The following MACF1 variants were observed in gnomAD, a reference collection of about 807,000 sequenced individuals.
MACF1 encodes microtubule actin crosslinking factor 1.
A neutral mutation model predicts 854.8 loss-of-function variants in MACF1; 193 were observed. The observed-to-expected ratio is 0.23, with a 90% CI of 0.20 to 0.25. The LOEUF (loss-of-function observed/expected upper bound fraction) is 0.25. Ranked by LOEUF, MACF1 falls within the 10% of genes least tolerant of loss-of-function variation. The pLI is 1.00. For missense variants in MACF1, 7,722 were observed against 8,929.1 expected, an observed-to-expected ratio of 0.86 and a Z score of 5.45; for synonymous variants, 3,185 against 3,226.7, an observed-to-expected ratio of 0.99 and a Z score of 0.44.
chr1:39,090,372 C>T (rs1641773239), intron 2 of MACF1, among the ~76,000 whole-genome samples: 1 of 152,196 alleles, frequency 6.6e-6, no homozygotes, highest in Non-Finnish European at 1.5e-5. Context: ...TGAATTGTAG[C>T]TACACACCAC....
At chr1:39,405,691 C>G (rs747474774) in intron 58 of MACF1, among the ~76,000 whole-genome samples, 23 of 152,206 alleles carry the variant, frequency 1.5e-4, no homozygotes, top group Non-Finnish European at 2.9e-4. Flanking sequence ...AAATTCTGTA[C>G]TTGGGAATTT....
chr1:39,319,067 T>C (rs1291359236), intron 30 of MACF1, among the ~76,000 whole-genome samples: 1 of 151,906 alleles, frequency 6.6e-6, no homozygotes, highest in Admixed American at 6.6e-5. Context: ...AGATCTGGAG[T>C]TGTATTGCCT....
At chr1:39,449,633 C>T (rs1335746634) in intron 84 of MACF1, among the ~76,000 whole-genome samples, 5 of 151,480 alleles carry the variant, frequency 3.3e-5, no homozygotes, top group South Asian at 2.1e-4. Flanking sequence ...TTTCTGACCT[C>T]GTGATCCACC....
At chr1:39,127,470 G>A (rs1364907707) in intron 2 of MACF1, among the ~76,000 whole-genome samples, 2 of 152,178 alleles carry the variant, frequency 1.3e-5, no homozygotes, top group Non-Finnish European at 2.9e-5. Flanking sequence ...CTGTGAAATA[G>A]ATTATCTCAT....
At chr1:39,221,435 C>CT (rs1163514863) in intron 1 of MACF1, among the ~76,000 whole-genome samples, 1 of 152,202 alleles carries the variant, frequency 6.6e-6, no homozygotes, top group Non-Finnish European at 1.5e-5. Context: ...TCTGACTGCT[C>CT]TTCTGAACTC....
In MACF1 at chr1:39,251,899, TACAA is replaced by T. The variant is rs1200254510; in HGVS notation, c.320_323del (p.Asn107ThrfsTer34). Reference sequence around the variant, plus strand: ...TGGTGAGCATGCCCTCCTGGTGCCATACAAACAACGAGGAGCAGGCGGAGGAAGA... The same window carrying T: ...TGGTGAGCATGCCCTCCTGGTGCCATACAACGAGGAGCAGGCGGAGGAAGA... On this transcript the variant is annotated frameshift_variant, in exon 4 of 101. Coordinates refer to ENST00000564288, the MANE Select transcript of MACF1 (RefSeq NM_001394062.1). LOFTEE classifies it high-confidence loss of function. The T allele has an allele frequency of 6.6e-7, 1 of 1,520,386 alleles. No individual in the cohort carries two copies. The highest frequency in any genetic ancestry group is 1.4e-5 in the African/African-American group (1 of 72,278). The allele number at this position is 1,520,386 out of a possible 1,614,324, so 94.2% of individuals were successfully genotyped here.
chr1:39,275,153 G>A (rs1289915456), intron 6 of MACF1, among the ~76,000 whole-genome samples: 3 of 148,420 alleles, frequency 2.0e-5, no homozygotes, highest in Admixed American at 6.8e-5. Flanking sequence ...ATCTCGGCTC[G>A]CTGCAAGTTC....
chr1:39,383,873 T>C (rs1650466456), intron 56 of MACF1, among the ~76,000 whole-genome samples: 1 of 150,296 alleles, frequency 6.7e-6, no homozygotes, highest in Admixed American at 6.6e-5. Context: ...CGAGAATCCG[T>C]CTCAAAAAAA....
At chr1:39,320,448 C>G (rs1646493067) in intron 31 of MACF1, among the ~76,000 whole-genome samples, 1 of 152,182 alleles carries the variant, frequency 6.6e-6, no homozygotes, top group Non-Finnish European at 1.5e-5. Flanking sequence ...AGTTATGTGA[C>G]ATGCCATTGA....
At chr1:39,313,680 T>A (rs976439539) in intron 26 of MACF1, among the ~76,000 whole-genome samples, 8 of 152,178 alleles carry the variant, frequency 5.3e-5, no homozygotes, top group Non-Finnish European at 1.2e-4. Context: ...TTCATTGTTT[T>A]GATGCTCAAA....
intron 58 of MACF1, chr1:39,412,584 T>A (rs772210286): frequency 6.2e-7 from 1 of 1,613,792 alleles, no homozygotes; most frequent in African/African-American, 1.3e-5. Context: ...TGAGACTTAA[T>A]CCAGATGGAG....
At chr1:39,462,809 T>C (rs527786332) in intron 93 of MACF1, among the ~76,000 whole-genome samples, 1 of 152,320 alleles carries the variant, frequency 6.6e-6, no homozygotes, top group African/African-American at 2.4e-5. Flanking sequence ...AACTACCACA[T>C]TGAAACTGCC....
At chr1:39,155,477 A>C (rs1408819747) in intron 2 of MACF1, among the ~76,000 whole-genome samples, 1 of 152,194 alleles carries the variant, frequency 6.6e-6, no homozygotes, top group Admixed American at 6.5e-5. Flanking sequence ...TCATTCCTTT[A>C]CATCTGACTC....
intron 94 of MACF1, chr1:39,464,084 A>C (rs2124086615): frequency 5.1e-6 from 1 of 195,148 alleles, no homozygotes; most frequent in Non-Finnish European, 1.1e-5. Flanking sequence ...AAGCCCCAAC[A>C]GACACTGTGC....
Position 39,137,728 on chromosome 1 carries a change from T to TTA in MACF1, c.220+53291_220+53292dup, listed in dbSNP as rs1643215278. On this transcript the variant is annotated intron_variant, in intron 2 of 93. Coordinates refer to the MACF1 transcript ENST00000361689. ...TGGCAAGCAAGTAAGGATTGCTCAA[T>TTA]TAAAAGTATTGCATTATCTCATTCA... Among the ~76,000 whole-genome samples the TTA allele has an allele frequency of 2.0e-5, 3 of 152,214 alleles. No homozygotes were observed. The South Asian group carries it at 6.2e-4, about 32-fold the overall frequency.
chr1:39,439,856 T>C (rs1231276134), intron 72 of MACF1, among the ~76,000 whole-genome samples: 1 of 152,178 alleles, frequency 6.6e-6, no homozygotes, highest in African/African-American at 2.4e-5. Flanking sequence ...TCCACCCACC[T>C]TGGCCTCCCA....
chr1:39,099,678 TC>T (rs1470916049), intron 2 of MACF1, among the ~76,000 whole-genome samples: 10 of 152,216 alleles, frequency 6.6e-5, no homozygotes, highest in Non-Finnish European at 5.9e-5. Flanking sequence ...TTGAATCAGA[TC>T]TGGCTCCCTC....
chr1:39,257,758 G>A (rs1331456858), intron 5 of MACF1, 178 bp from the exon 6 acceptor site: 3 of 560,346 alleles, frequency 5.4e-6, no homozygotes, highest in Non-Finnish European at 9.5e-6. Flanking sequence ...GACCTTTTTG[G>A]GGTGATGAAA....
At chr1:39,474,802 G>C (rs1466913596) in intron 97 of MACF1, among the ~76,000 whole-genome samples, 1 of 152,112 alleles carries the variant, frequency 6.6e-6, no homozygotes, top group Non-Finnish European at 1.5e-5. Context: ...CAAGAAAAAA[G>C]GTTTTGAAAA....
Sources: allele counts gnomAD v4.1 joint callset (sites outside exome capture counted in the v4.1 genomes callset), GRCh38; gene constraint gnomAD v4.1.1; transcripts MANE v1.5; gene names NCBI Gene and HGNC (gene_info 2026-07-23, HGNC 2026-07-21).